The following QTMAN variants were observed in gnomAD, a reference collection of about 807,000 sequenced individuals.
QTMAN encodes queuosine-tRNA mannosyltransferase.
At chr2:144,160,226 A>G in the QTMAN span, among the ~76,000 whole-genome samples, 4 of 152,140 alleles carry the variant, frequency 2.6e-5, no homozygotes, top group South Asian at 8.3e-4. Context: ...CATGCAAGAA[A>G]AAAGAGTGAC....
chr2:144,185,374 CTTAG>C, the QTMAN span, among the ~76,000 whole-genome samples: 5 of 152,104 alleles, frequency 3.3e-5, no homozygotes, highest in South Asian at 2.1e-4. Flanking sequence ...CTGCATAACT[CTTAG>C]TTAGTTATGA....
chr2:144,261,335 A>AG, the QTMAN span, among the ~76,000 whole-genome samples: 12 of 152,112 alleles, frequency 7.9e-5, no homozygotes, highest in Non-Finnish European at 1.5e-4. Context: ...AATTTCGGGG[A>AG]GGGGGGGATG....
chr2:144,100,863 T>C, the QTMAN span, among the ~76,000 whole-genome samples: 174 of 114,184 alleles, frequency 1.5e-3, no homozygotes, highest in Middle Eastern at 7.7e-3. Context: ...TTCTTTCTTT[T>C]TTTTTTTTTT....
At chr2:144,243,230 T>C in the QTMAN span, among the ~76,000 whole-genome samples, 1 of 152,172 alleles carries the variant, frequency 6.6e-6, no homozygotes, top group South Asian at 2.1e-4. Context: ...CAAGGTACAA[T>C]GGGATGACTG....
At chr2:144,149,115 T>C in the QTMAN span, among the ~76,000 whole-genome samples, 6 of 151,876 alleles carry the variant, frequency 4.0e-5, no homozygotes, top group South Asian at 2.1e-4. Flanking sequence ...AATAATACAA[T>C]GAATGACATC....
chr2:144,101,385 A>ATC, the QTMAN span, among the ~76,000 whole-genome samples: 858 of 140,816 alleles, frequency 6.1e-3, 5 homozygotes, highest in South Asian at 9.9e-3. Flanking sequence ...AATCATGTCT[A>ATC]TCTCTCTCTC....
the QTMAN span, among the ~76,000 whole-genome samples, chr2:144,329,332 C>A: frequency 6.6e-6 from 1 of 151,944 alleles, no homozygotes; most frequent in Non-Finnish European, 1.5e-5. Flanking sequence ...ACACAGTGTT[C>A]TTCATGTAAT....
At chr2:144,137,368 C>T in the QTMAN span, among the ~76,000 whole-genome samples, 1 of 151,948 alleles carries the variant, frequency 6.6e-6, no homozygotes, top group Non-Finnish European at 1.5e-5. Flanking sequence ...TGGCTCCAGG[C>T]TGCTATGTTT....
chr2:144,227,069 C>T, the QTMAN span, among the ~76,000 whole-genome samples: 7 of 152,162 alleles, frequency 4.6e-5, no homozygotes, highest in Admixed American at 4.6e-4. Context: ...AATTTAAAAA[C>T]ATATATACTC....
chr2:144,182,850 ATT>A, the QTMAN span, among the ~76,000 whole-genome samples: 2 of 61,138 alleles, frequency 3.3e-5, no homozygotes, highest in African/African-American at 7.1e-5. Flanking sequence ...TTATATATAT[ATT>A]TTATATATAA....
At chr2:144,321,413 T>C in the QTMAN span, among the ~76,000 whole-genome samples, 2 of 152,224 alleles carry the variant, frequency 1.3e-5, no homozygotes, top group Non-Finnish European at 1.5e-5. Flanking sequence ...AAGATGTTAA[T>C]TAGTCCATAA....
At chr2:144,036,945 G>C in the QTMAN span, among the ~76,000 whole-genome samples, 1 of 152,190 alleles carries the variant, frequency 6.6e-6, no homozygotes, top group Admixed American at 6.5e-5. Context: ...GCCATAAAAA[G>C]GAATGAACTA....
chr2:144,257,350 G>A, the QTMAN span, among the ~76,000 whole-genome samples: 1 of 151,846 alleles, frequency 6.6e-6, no homozygotes, highest in Non-Finnish European at 1.5e-5. Flanking sequence ...CTACCTAGGA[G>A]AGAATAGGAA....
the QTMAN span, among the ~76,000 whole-genome samples, chr2:144,083,798 G>A: frequency 7.0e-6 from 1 of 142,902 alleles, no homozygotes; most frequent in Admixed American, 6.8e-5. Flanking sequence ...GCCTCACCCA[G>A]CCCGAAGTTT....
the QTMAN span, among the ~76,000 whole-genome samples, chr2:144,255,614 T>G: frequency 6.6e-6 from 1 of 152,208 alleles, no homozygotes; most frequent in Non-Finnish European, 1.5e-5. Context: ...GCAAAAGTTG[T>G]AAGATTGCAA....
At chr2:144,235,757 ATAGT>A in the QTMAN span, 3 of 152,560 alleles carry the variant, frequency 2.0e-5, no homozygotes, top group Non-Finnish European at 4.4e-5. Flanking sequence ...CACAAAAGAC[ATAGT>A]TAGTAACTTC....
the QTMAN span, among the ~76,000 whole-genome samples, chr2:144,092,991 A>C: frequency 6.6e-6 from 1 of 152,142 alleles, no homozygotes; most frequent in African/African-American, 2.4e-5. Flanking sequence ...TTGGACATAA[A>C]GTGAAGAAAA....
the QTMAN span, among the ~76,000 whole-genome samples, chr2:144,014,529 T>A: frequency 3.9e-5 from 6 of 152,068 alleles, no homozygotes; most frequent in Non-Finnish European, 8.8e-5. Flanking sequence ...AAGTCAAAAT[T>A]AACAAGCAAA....
chr2:143,964,580 T>C, the QTMAN span, among the ~76,000 whole-genome samples: 13 of 152,160 alleles, frequency 8.5e-5, no homozygotes, highest in African/African-American at 3.1e-4. Flanking sequence ...TCCTAGAACC[T>C]TTCTAGTATT....
Sources: gnomAD v4.1 joint callset for allele counts (sites outside exome capture counted in the v4.1 genomes callset) on GRCh38, gnomAD v4.1.1 for gene constraint, MANE v1.5 for transcripts, NCBI Gene and HGNC (gene_info 2026-07-23, HGNC 2026-07-21) for gene names.